Variants in KLHL8 observed in about 807,000 individuals in gnomAD.
The protein encoded by KLHL8 is kelch-like protein 8.
A neutral mutation model predicts 63.5 loss-of-function variants in KLHL8; 38 were observed. The observed-to-expected ratio is 0.60, with a 90% CI of 0.46 to 0.78. KLHL8 has a LOEUF of 0.78. KLHL8 is among the 30% of genes least tolerant of loss of function. The pLI, the probability that KLHL8 is intolerant of heterozygous loss-of-function variation, is 0.00. For missense variants in KLHL8, 566 were observed against 752.4 expected, an observed-to-expected ratio of 0.75 and a Z score of 2.90; for synonymous variants, 224 against 254.3, an observed-to-expected ratio of 0.88 and a Z score of 1.13.
intron 1 of KLHL8, among the ~76,000 whole-genome samples, chr4:87,209,468 T>C (rs531486727): frequency 6.6e-6 from 1 of 152,074 alleles, no homozygotes; most frequent in East Asian, 1.9e-4. Flanking sequence ...GAAGAGAAAA[T>C]ACTTCAAACA....
chr4:87,231,481 A>G (rs1345755585), intron 1 of KLHL8, among the ~76,000 whole-genome samples: 1 of 152,170 alleles, frequency 6.6e-6, no homozygotes, highest in African/African-American at 2.4e-5. Flanking sequence ...ATGATGTGAT[A>G]ATCCCACCTG....
chr4:87,198,315 G>A (rs1731781191), intron 1 of KLHL8, among the ~76,000 whole-genome samples: 1 of 152,084 alleles, frequency 6.6e-6, no homozygotes. Flanking sequence ...ATGAGACTGT[G>A]TCTAATAAAA....
At chr4:87,230,632 C>A (rs1214216970) in intron 1 of KLHL8, among the ~76,000 whole-genome samples, 2 of 152,204 alleles carry the variant, frequency 1.3e-5, no homozygotes, top group Non-Finnish European at 2.9e-5. Context: ...TTTATTAACA[C>A]TTAAATGTTT....
intron 6 of KLHL8, among the ~76,000 whole-genome samples, chr4:87,174,312 CTT>C (rs1315177289): frequency 2.7e-5 from 4 of 149,300 alleles, no homozygotes; most frequent in South Asian, 2.1e-4. Context: ...GAATTTTGCT[CTT>C]GTCATCCAGA....
At position 87,235,792 on chromosome 4, in the gene KLHL8, AG is replaced by A. The variant is rs772740954; in HGVS notation, n.57+4465del. On this transcript the variant is annotated intron_variant and non_coding_transcript_variant, in intron 1 of 1. Transcript: ENST00000506274. ...CCCTATCAGCTCCTAATACAACCCG[AG>A]GGGTAAACAGGACCTTTCAATGACT... 1.6e-3 allele frequency among the ~76,000 whole-genome samples: 238 copies of A among 152,150 alleles called. 2 individuals carry two copies. In the Middle Eastern group the frequency reaches 0.027, roughly 17 times the overall value.
chr4:87,170,276 G>A (rs542899069), intron 7 of KLHL8, 38 bp from the exon 8 acceptor site: 97 of 1,571,704 alleles, frequency 6.2e-5, no homozygotes, highest in African/African-American at 3.0e-4. Context: ...ATTAGATTTC[G>A]AATTTATTTA....
chr4:87,191,829 T>A (rs1390432227), intron 2 of KLHL8, among the ~76,000 whole-genome samples: 1 of 151,872 alleles, frequency 6.6e-6, no homozygotes, highest in African/African-American at 2.4e-5. Flanking sequence ...TTACTCAATA[T>A]TTAGTTCCCA....
Position 87,185,672 on chromosome 4 carries a change from C to A in KLHL8, c.344G>T (p.Gly115Val), listed in dbSNP as rs1731225317. 4.3e-6 allele frequency: 7 copies of A among 1,614,070 alleles called. No individual in the cohort carries two copies. The South Asian group carries it at 6.6e-5, about 15-fold the overall frequency. Reference sequence around the variant, plus strand: ...CTTTACCAAGTCTTCTATTGCATCACCATCAAAATCTCTAATCTCAATCAG... The same window carrying A: ...CTTTACCAAGTCTTCTATTGCATCAACATCAAAATCTCTAATCTCAATCAG... ...QTLIEIRDFDGDAIEDLVKFV... is the reference protein window; with the variant it reads ...QTLIEIRDFDVDAIEDLVKFV... Residue 115 changes from glycine to valine, a missense_variant, in exon 3 of 10, where the codon GGT becomes GTT. Gly to Val is a moderately radical substitution (Grantham distance 109). Coordinates refer to ENST00000273963, the MANE Select transcript of KLHL8 (RefSeq NM_020803.5).
chr4:87,228,800 T>G (rs1733077181), intron 1 of KLHL8, among the ~76,000 whole-genome samples: 1 of 152,216 alleles, frequency 6.6e-6, no homozygotes, highest in South Asian at 2.1e-4. Flanking sequence ...TCATGGAAAC[T>G]TAAAGATAAT....
rs201176678 is a variant in KLHL8 at position 87,163,970 on chromosome 4, G to A, written c.1647C>T (p.Ile549=). 15 of 1,614,010 alleles carry A rather than the reference G, an allele frequency of 9.3e-6. No individual in the cohort carries two copies. The highest frequency in any genetic ancestry group is 6.6e-5 in the South Asian group (6 of 91,078). Residue 549 remains isoleucine, a synonymous_variant, in exon 9 of 10, where the codon ATC becomes ATT. Coordinates refer to ENST00000273963, the MANE Select transcript of KLHL8 (RefSeq NM_020803.5). The part of the protein sequence containing the change: ...ALTTPRGGVG[I]ATVMGKIFAV... ...CAAAGATTTTGCCCATCACTGTTGC[G>A]ATTCCCACTCCACCTCTGGGAGTAG...
At chr4:87,193,078 A>T (rs896385195) in intron 2 of KLHL8, among the ~76,000 whole-genome samples, 3 of 152,164 alleles carry the variant, frequency 2.0e-5, no homozygotes, top group African/African-American at 7.2e-5. Flanking sequence ...AATTAAAAAA[A>T]ATATTTTTCT....
At chr4:87,166,946 G>A (rs1730423752) in intron 8 of KLHL8, 3 of 168,510 alleles carry the variant, frequency 1.8e-5, no homozygotes, top group South Asian at 3.3e-4. Context: ...TGCGGGGGCC[G>A]CTCCTGCCAA....
upstream of KLHL8, among the ~76,000 whole-genome samples, chr4:87,222,849 G>C (rs1451959463): frequency 6.6e-6 from 1 of 152,200 alleles, no homozygotes; most frequent in East Asian, 1.9e-4. Flanking sequence ...CTCCCAAAGT[G>C]CTGGGATTAC....
upstream of KLHL8, chr4:87,221,032 G>A (rs1414821153): frequency 6.6e-6 from 1 of 152,220 alleles, no homozygotes; most frequent in East Asian, 1.9e-4. Context: ...AAACAACTGT[G>A]TTTATAAATA....
chr4:87,226,987 A>T (rs186718120), intron 1 of KLHL8, among the ~76,000 whole-genome samples: 2,120 of 51,642 alleles, frequency 0.041, 178 homozygotes, highest in Non-Finnish European at 0.06. Context: ...ATAATATATA[A>T]TATATAAATA....
chr4:87,193,198 G>A (rs1731560748), intron 2 of KLHL8, among the ~76,000 whole-genome samples: 1 of 152,058 alleles, frequency 6.6e-6, no homozygotes, highest in Non-Finnish European at 1.5e-5. Flanking sequence ...ACATTGCACA[G>A]CTCTACAAAA....
intron 1 of KLHL8, among the ~76,000 whole-genome samples, chr4:87,199,402 C>A (rs141551931): frequency 6.6e-6 from 1 of 152,024 alleles, no homozygotes; most frequent in South Asian, 2.1e-4. Context: ...CATAAAGCTA[C>A]TGGAGGAAAA....
intron 1 of KLHL8, among the ~76,000 whole-genome samples, chr4:87,215,661 C>A (rs1338615256): frequency 2.6e-5 from 4 of 152,102 alleles, no homozygotes; most frequent in African/African-American, 9.7e-5. Context: ...GCCCAGCAAT[C>A]ATTATACAAG....
upstream of KLHL8, chr4:87,221,020 C>T (rs1294556411): frequency 6.6e-6 from 1 of 152,104 alleles, no homozygotes; most frequent in Non-Finnish European, 1.5e-5. Flanking sequence ...AAAGGATATA[C>T]AAAACAACTG....
Sources: allele counts gnomAD v4.1 joint callset (sites outside exome capture counted in the v4.1 genomes callset), GRCh38; gene constraint gnomAD v4.1.1; transcripts MANE v1.5; gene names NCBI Gene and HGNC (gene_info 2026-07-23, HGNC 2026-07-21).